VPS13C: variants seen among roughly 807,000 people sequenced by gnomAD.
The protein encoded by VPS13C is intermembrane lipid transfer protein VPS13C.
A neutral mutation model predicts 456.8 loss-of-function variants in VPS13C; 358 were observed. That is an observed-to-expected ratio of 0.78 (90% CI 0.72 to 0.86). VPS13C has a LOEUF of 0.86. Among genes scored for constraint, VPS13C ranks in the 40% least tolerant of loss-of-function variants. The pLI is 0.00. For synonymous variants in VPS13C, 1,578 were observed against 1,486.7 expected (o/e 1.06, Z -1.41); for missense variants, 4,818 against 4,385.4 (o/e 1.10, Z -2.79).
At position 61,853,738 on chromosome 15, in the gene VPS13C, TG is replaced by T. The variant is rs1456510318; in HGVS notation, c.*718del. The T allele has an allele frequency of 6.6e-6, 1 of 152,132 alleles. No homozygotes were observed. Among genetic ancestry groups the T allele is most frequent in the East Asian group, 1.9e-4 (1 of 5,200 alleles). 9.4% of individuals were successfully genotyped at this position (152,132 alleles called of 1,614,324 possible). A position where few individuals can be genotyped will look rare whatever the true frequency, so the allele number is the denominator to read the frequency against. On this transcript the variant is annotated 3_prime_UTR_variant, in exon 85 of 85. Transcript: ENST00000644861. ...AATGTCAGGATCCAACATTTGTTCATGGGTTAAAGCCTTTTGGCGGGCCGTG... is the reference window on the plus strand; with the variant it reads ...AATGTCAGGATCCAACATTTGTTCATGGTTAAAGCCTTTTGGCGGGCCGTG...
chr15:61,937,576 G>C (rs939911391), intron 47 of VPS13C, among the ~76,000 whole-genome samples: 2 of 152,144 alleles, frequency 1.3e-5, no homozygotes, highest in South Asian at 4.1e-4. Flanking sequence ...CCAGGTTCAC[G>C]CCATTCTCCT....
chr15:62,055,617 T>C (rs1480312963), intron 1 of VPS13C, among the ~76,000 whole-genome samples: 2 of 152,092 alleles, frequency 1.3e-5, no homozygotes, highest in Non-Finnish European at 2.9e-5. Flanking sequence ...ACTATGATGT[T>C]TTCCAAATCA....
At position 61,853,575 on chromosome 15, in the gene VPS13C, G is replaced by C. The variant is rs571045513; in HGVS notation, c.*882C>G. 1 of 152,158 alleles carries C rather than the reference G, an allele frequency of 6.6e-6. No individual in the cohort carries two copies. The highest frequency in any genetic ancestry group is 2.1e-4 in the South Asian group (1 of 4,826). The allele number at this position is 152,158 out of a possible 1,614,324, so 9.4% of individuals were successfully genotyped here. A position where few individuals can be genotyped will look rare whatever the true frequency, so the allele number is the denominator to read the frequency against. On this transcript the variant is annotated 3_prime_UTR_variant, in exon 85 of 85. Transcript: ENST00000644861. ...CACCAAAGTAAAATATGCTTTATTA[G>C]GGGGAAAAACAGTGTTTTCATGAAA...
At chr15:61,986,669 A>G (rs1356722665) in intron 18 of VPS13C, among the ~76,000 whole-genome samples, 2 of 152,210 alleles carry the variant, frequency 1.3e-5, no homozygotes, top group Non-Finnish European at 2.9e-5. Context: ...AAATGAATAC[A>G]TATCTAGTCA....
At chr15:61,926,772 T>C (rs1034379150) in intron 52 of VPS13C, among the ~76,000 whole-genome samples, 1 of 152,206 alleles carries the variant, frequency 6.6e-6, no homozygotes, top group Non-Finnish European at 1.5e-5. Context: ...TATTCACTCA[T>C]TCATTAATTA....
chr15:61,949,506 A>G lies in VPS13C; in HGVS notation c.4696T>C (p.Ser1566Pro), dbSNP rs747105011. The G allele has an allele frequency of 6.2e-7, 1 of 1,613,684 alleles. No individual in the cohort carries two copies. Reference sequence around the variant, plus strand: ...GGTTTCAGCTCGGATTCCTTCTCAGAAGAGGAAGGCTCAGAGAATGGAGCA... The same window carrying G: ...GGTTTCAGCTCGGATTCCTTCTCAGGAGAGGAAGGCTCAGAGAATGGAGCA... ...SAAPFSEPSSSEKESELKPLV... is the reference protein window; with the variant it reads ...SAAPFSEPSSPEKESELKPLV... The change falls in exon 42 of 85, where the codon TCT becomes CCT. Residue 1566 changes from serine (S) to proline (P), a missense_variant. Around this residue, in one of 3 missense-constraint regions of VPS13C, gnomAD observed 4,552 missense variants for 4,130.6 expected, o/e 1.10. Coordinates refer to ENST00000644861, the MANE Select transcript of VPS13C (RefSeq NM_020821.3).
intron 9 of VPS13C, among the ~76,000 whole-genome samples, chr15:62,015,940 A>T (rs1377888033): frequency 1.8e-5 from 2 of 113,926 alleles, no homozygotes; most frequent in South Asian, 2.9e-4. Context: ...TAATAAAAAT[A>T]AAAAATAAAA....
intron 37 of VPS13C, among the ~76,000 whole-genome samples, chr15:61,957,510 A>G (rs1019016198): frequency 2.6e-5 from 4 of 152,152 alleles, no homozygotes; most frequent in Non-Finnish European, 4.4e-5. Flanking sequence ...ACCGGTTTTC[A>G]CTTAGCACAT....
chr15:61,907,280 T>G lies in VPS13C; in HGVS notation c.9089A>C (p.Glu3030Ala), dbSNP rs114861330. The change falls in exon 66 of 85, where the codon GAA becomes GCA. Residue 3030 changes from glutamate (E) to alanine (A), a missense_variant. Glu to Ala is a moderately radical substitution (Grantham distance 107). This residue lies in a region of VPS13C where 4,552 missense variants were observed against 4,130.6 expected (regional missense o/e 1.10). Coordinates refer to ENST00000644861, the MANE Select transcript of VPS13C (RefSeq NM_020821.3). ...LTWTYAANVG[E>A]HDLLKDGCGQ... is the part of the protein sequence containing the mutation. ...AAAAGATACCTTTAACAGATCATGT[T>G]CCCCAACATTTGCTGCATATGTCCA... The G allele has an allele frequency of 6.2e-7, 1 of 1,613,918 alleles. No individual in the cohort carries two copies. The highest frequency in any genetic ancestry group is 1.7e-5 in the Admixed American group (1 of 60,020).
chr15:61,935,589 A>T (rs2044201595), intron 48 of VPS13C: 1 of 152,210 alleles, frequency 6.6e-6, no homozygotes, highest in Non-Finnish European at 1.5e-5. Flanking sequence ...TTAATAGTTT[A>T]TTCATCTCTA....
intron 22 of VPS13C, among the ~76,000 whole-genome samples, chr15:61,980,963 G>GT (rs2045866610): frequency 6.6e-6 from 1 of 152,096 alleles, no homozygotes; most frequent in South Asian, 2.1e-4. Context: ...GCTCTACTTA[G>GT]TTACTGACAG....
rs2048968083 is a variant in VPS13C, at chr15:62,060,440, A to G, written c.-66T>C. ...CCCGGCGCAGCTGAGGGCTGCGACC[A>G]GCGCTGCAAATGACAGCCCCTCCGG... is the stretch of plus-strand genomic sequence containing the variant. On this transcript the variant is annotated 5_prime_UTR_variant, in exon 1 of 85. Transcript: ENST00000644861. 6 of 812,244 alleles carry G rather than the reference A, an allele frequency of 7.4e-6. No individual in the cohort carries two copies. In the South Asian group the frequency reaches 9.2e-5, roughly 12 times the overall value. 50.3% of individuals were successfully genotyped at this position (812,244 alleles called of 1,614,324 possible). A position where few individuals can be genotyped will look rare whatever the true frequency, so the allele number is the denominator to read the frequency against.
At chr15:61,881,022 T>G (rs1166044301) in intron 71 of VPS13C, 68 bp from the exon 72 acceptor site, 1 of 1,297,096 alleles carries the variant, frequency 7.7e-7, no homozygotes, top group Non-Finnish European at 1.1e-6. Flanking sequence ...GTTAAAACTT[T>G]GATTTCAGTG....
intron 47 of VPS13C, 140 bp downstream of exon 47, chr15:61,940,507 A>T (rs993073382): frequency 1.7e-5 from 12 of 703,778 alleles, no homozygotes; most frequent in African/African-American, 1.6e-4. Flanking sequence ...TACAACAGAC[A>T]AATGCTCACT....
rs114678685 is a variant in VPS13C, at chr15:61,987,510, C to T, written c.1579-2511G>A. On this transcript the variant is annotated intron_variant, in intron 18 of 84. Coordinates refer to ENST00000644861, the MANE Select transcript of VPS13C (RefSeq NM_020821.3). ...TCTCATGAGAATTAACTCACTATCA[C>T]GACAACAGTATCGGAGAAACCAACC... Among the ~76,000 whole-genome samples the T allele has an allele frequency of 5.9e-3, 902 of 152,220 alleles. 7 individuals are homozygous for T. Among genetic ancestry groups the T allele is most frequent in the African/African-American group, 0.021 (854 of 41,524 alleles).
intron 31 of VPS13C, 92 bp from the exon 32 acceptor site, chr15:61,964,043 T>C: frequency 4.4e-6 from 3 of 689,322 alleles, no homozygotes; most frequent in Non-Finnish European, 6.9e-6. Context: ...GAACCACTGT[T>C]ATGTTAAAAA....
chr15:61,900,749 G>GA (rs2042972403), intron 66 of VPS13C, among the ~76,000 whole-genome samples: 2 of 151,290 alleles, frequency 1.3e-5, no homozygotes, highest in Middle Eastern at 3.4e-3. Flanking sequence ...CACAGAATTG[G>GA]AAAAAACTAC....
intron 16 of VPS13C, among the ~76,000 whole-genome samples, chr15:61,996,998 C>CATACATATATATATAT (rs1555437505): frequency 5.8e-4 from 85 of 145,568 alleles, no homozygotes; most frequent in African/African-American, 2.1e-3. Flanking sequence ...TACATACATA[C>CATACATATATATATAT]ATATATATAT....
intron 16 of VPS13C, 81 bp from the exon 17 acceptor site, chr15:61,991,883 T>A: frequency 1.4e-6 from 2 of 1,445,104 alleles, no homozygotes; most frequent in Non-Finnish European, 9.3e-7. Flanking sequence ...AAAAAAACAA[T>A]GGTTCTTTTT....
Sources: gnomAD v4.1 joint callset for allele counts (sites outside exome capture counted in the v4.1 genomes callset) on GRCh38, gnomAD v4.1.1 for gene constraint, gnomAD v4.1.1 regional missense constraint, MANE v1.5 for transcripts, NCBI Gene and HGNC (gene_info 2026-07-23, HGNC 2026-07-21) for gene names.